The following WASF3 variants were observed in gnomAD, a reference collection of about 807,000 sequenced individuals.
The protein encoded by WASF3 is actin-binding protein WASF3.
A neutral mutation model predicts 46.6 loss-of-function variants in WASF3; 11 were observed. The observed-to-expected ratio is 0.24, with a 90% confidence interval of 0.15 to 0.39. The LOEUF (loss-of-function observed/expected upper bound fraction) is 0.39. Ranked by LOEUF, WASF3 falls within the 10% of genes least tolerant of loss-of-function variation. The pLI is 1.00. For missense variants in WASF3, 576 were observed against 669.8 expected (o/e 0.86, Z 1.55); for synonymous variants, 242 against 259.7 (o/e 0.93, Z 0.65).
At chr13:26,554,096 C>CTTTCTTTCCTTCTTTCT, upstream of WASF3, among the ~76,000 whole-genome samples, 1 of 7,372 alleles carries the variant, frequency 1.4e-4, no homozygotes, top group Admixed American at 2.2e-3. Context: ...TCCTTCCTTC[C>CTTTCTTTCCTTCTTTCT]TTCTTTCTTT....
chr13:26,572,814 A>C (rs893921241), intron 1 of WASF3, among the ~76,000 whole-genome samples: 4 of 152,108 alleles, frequency 2.6e-5, no homozygotes, highest in Non-Finnish European at 5.9e-5. Flanking sequence ...CAGCCTCCCA[A>C]AGTGCTGGGA....
chr13:26,680,990 G>A, intron 7 of WASF3, 64 bp from the exon 8 acceptor site: 3 of 1,544,576 alleles, frequency 1.9e-6, no homozygotes, highest in South Asian at 2.5e-5. Flanking sequence ...ACATCCATGT[G>A]CCTGTTAGCC....
chr13:26,562,934 G>C (rs1879345222), intron 1 of WASF3, among the ~76,000 whole-genome samples: 1 of 144,234 alleles, frequency 6.9e-6, no homozygotes, highest in African/African-American at 2.6e-5. Context: ...TTTCTTTCTA[G>C]CAGTGACTTT....
intron 1 of WASF3, among the ~76,000 whole-genome samples, chr13:26,559,796 C>CT (rs199501866): frequency 3.1e-4 from 14 of 45,566 alleles, no homozygotes; most frequent in South Asian, 8.1e-4. Flanking sequence ...TCTTTTCTTT[C>CT]TTTCTTTCTT....
intron 2 of WASF3, among the ~76,000 whole-genome samples, chr13:26,614,029 G>C (rs1236604114): frequency 6.6e-6 from 1 of 152,114 alleles, no homozygotes; most frequent in Non-Finnish European, 1.5e-5. Flanking sequence ...TTATGAAACT[G>C]TAAAAATCAA....
At chr13:26,617,268 T>C (rs1375704425) in intron 2 of WASF3, among the ~76,000 whole-genome samples, 1 of 152,108 alleles carries the variant, frequency 6.6e-6, no homozygotes, top group African/African-American at 2.4e-5. Flanking sequence ...TTTTAGTGTT[T>C]TTTTTTTACC....
chr13:26,685,585 TA>T, intron 9 of WASF3, 102 bp from the exon 10 acceptor site: 1 of 1,388,984 alleles, frequency 7.2e-7, no homozygotes, highest in East Asian at 2.3e-5. Flanking sequence ...TTTCTGTCCT[TA>T]GTGTCAGTAG....
chr13:26,565,173 C>T (rs1261549397), intron 1 of WASF3, among the ~76,000 whole-genome samples: 10 of 109,116 alleles, frequency 9.2e-5, no homozygotes, highest in African/African-American at 3.4e-4. Context: ...GAGTGAGACT[C>T]GGTCTCAGAA....
In WASF3 at chr13:26,568,119, A is replaced by G. The variant is rs61944884; in HGVS notation, c.-109+10300A>G. 2.6e-3 allele frequency among the ~76,000 whole-genome samples: 402 copies of G among 152,230 alleles called. 1 individual carries two copies. The highest frequency in any genetic ancestry group is 0.013 in the South Asian group (63 of 4,820). ...AAAGGGCCAGATTGTGTAGGGCCGT[A>G]TAGACTGTGGTGCACTTTGGATTTT... On this transcript the variant is annotated intron_variant, in intron 1 of 9. Transcript: ENST00000335327.
At chr13:26,571,224 T>TAGAA (rs1160926547) in intron 1 of WASF3, among the ~76,000 whole-genome samples, 2 of 152,206 alleles carry the variant, frequency 1.3e-5, no homozygotes, top group African/African-American at 2.4e-5. Context: ...AGTTTTGACT[T>TAGAA]TTCTGATTTT....
Position 26,679,040 on chromosome 13 carries a change from C to A in WASF3, c.717-2014C>A, listed in dbSNP as rs1361050077. Among the ~76,000 whole-genome samples, 1 of 150,830 alleles carries A rather than the reference C, an allele frequency of 6.6e-6. No individual in the cohort carries two copies. The highest frequency in any genetic ancestry group is 1.5e-5 in the Non-Finnish European group (1 of 67,750). ...TCGGTGTCATCTCCGGCCCTCCCGG[C>A]CCTCCTCCTCCCATCGTCCCCGGCC... On this transcript the variant is annotated intron_variant, in intron 7 of 9. Coordinates refer to ENST00000335327, the MANE Select transcript of WASF3 (RefSeq NM_006646.6). The surrounding 1 kb of genome is among the most constrained non-coding windows in gnomAD (Gnocchi z 4.8).
intron 2 of WASF3, among the ~76,000 whole-genome samples, chr13:26,623,506 T>C (rs911638283): frequency 6.6e-6 from 1 of 152,204 alleles, no homozygotes; most frequent in African/African-American, 2.4e-5. Context: ...GGGTAATTAA[T>C]AGCAAAAGCA....
intron 1 of WASF3, among the ~76,000 whole-genome samples, chr13:26,583,214 A>G (rs563889356): frequency 6.6e-6 from 1 of 152,340 alleles, no homozygotes; most frequent in African/African-American, 2.4e-5. Flanking sequence ...ATACAACACC[A>G]TAAGGTGGCT....
intron 1 of WASF3, among the ~76,000 whole-genome samples, chr13:26,586,490 G>T (rs779623559): frequency 1.3e-5 from 2 of 152,050 alleles, no homozygotes; most frequent in Admixed American, 6.6e-5. Context: ...TCCATTATAG[G>T]TTTATTTATT....
At chr13:26,662,843 G>A (rs898948786) in intron 3 of WASF3, among the ~76,000 whole-genome samples, 1 of 150,882 alleles carries the variant, frequency 6.6e-6, no homozygotes, top group Admixed American at 6.7e-5. Flanking sequence ...AAGAAATGAA[G>A]TGCAGTGCAC....
At chr13:26,678,119 ATTGT>A (rs71839684) in intron 7 of WASF3, among the ~76,000 whole-genome samples, 47,470 of 151,798 alleles carry the variant, frequency 0.31, 8,786 homozygotes, top group Non-Finnish European at 0.42. Flanking sequence ...AATAAGTCTG[ATTGT>A]TTTATTTCTT....
the WASF3 span, among the ~76,000 whole-genome samples, chr13:26,547,271 C>T: frequency 2.6e-5 from 4 of 151,994 alleles, no homozygotes; most frequent in Non-Finnish European, 4.4e-5. Flanking sequence ...TGATGAGATA[C>T]CTTAAATCTG....
At chr13:26,570,848 G>A (rs572777675) in intron 1 of WASF3, among the ~76,000 whole-genome samples, 3 of 152,302 alleles carry the variant, frequency 2.0e-5, no homozygotes, top group Admixed American at 2.0e-4. Flanking sequence ...AAGGATAAAT[G>A]TATATGTAAT....
At chr13:26,594,890 G>A (rs1470574225) in intron 1 of WASF3, among the ~76,000 whole-genome samples, 2 of 152,110 alleles carry the variant, frequency 1.3e-5, no homozygotes, top group African/African-American at 4.8e-5. Flanking sequence ...CTAGAATACT[G>A]TCCCTCAGTT....
Sources: gnomAD v4.1 joint callset for allele counts (sites outside exome capture counted in the v4.1 genomes callset) on GRCh38, gnomAD v4.1.1 for gene constraint, Gnocchi (gnomAD v3.1) non-coding constraint, MANE v1.5 for transcripts, NCBI Gene and HGNC (gene_info 2026-07-23, HGNC 2026-07-21) for gene names.